CHCHD6: variants seen among roughly 807,000 people sequenced by gnomAD.
The protein encoded by CHCHD6 is MICOS complex subunit MIC25.
In CHCHD6, 28 loss-of-function variants were observed where a neutral mutation model predicts 32.3. The ratio of observed to expected loss-of-function variants is 0.87; its 90% confidence interval spans 0.64 to 1.19. The LOEUF (loss-of-function observed/expected upper bound fraction) is 1.19. CHCHD6 is among the 50% of genes most tolerant of loss of function. The pLI is 0.00. For missense variants in CHCHD6, 333 were observed against 307.0 expected, an observed-to-expected ratio of 1.08 and a Z score of -0.63; for synonymous variants, 122 against 117.5, an observed-to-expected ratio of 1.04 and a Z score of -0.25.
chr3:126,803,865 C>G (rs1250943788), intron 4 of CHCHD6, among the ~76,000 whole-genome samples: 3 of 152,142 alleles, frequency 2.0e-5, no homozygotes, highest in Admixed American at 6.5e-5. Flanking sequence ...CAAACTGTCT[C>G]TCAGACCACA....
At chr3:126,724,611 A>G (rs961443628) in intron 1 of CHCHD6, among the ~76,000 whole-genome samples, 3 of 152,208 alleles carry the variant, frequency 2.0e-5, no homozygotes, top group East Asian at 3.9e-4. Context: ...AGTTTGCCAC[A>G]TCGATCAACT....
In CHCHD6 at chr3:126,733,106, G is replaced by A; in HGVS notation, c.295G>A (p.Asp99Asn). The A allele has an allele frequency of 6.2e-7, 1 of 1,614,214 alleles. No individual in the cohort carries two copies. The highest frequency in any genetic ancestry group is 8.5e-7 in the Non-Finnish European group (1 of 1,180,032). Reference sequence around the variant, plus strand: ...TGAACAGGAGCATGCTGCTATCCAGGATAAGCTCTTCCAGGTGGCAAAGAG... The same window carrying A: ...TGAACAGGAGCATGCTGCTATCCAGAATAAGCTCTTCCAGGTGGCAAAGAG... ...RYEQEHAAIQ[D>N]KLFQVAKRER... The change falls in exon 4 of 8, where the codon GAT (aspartate) becomes AAT (asparagine). Residue 99 changes from aspartate to asparagine, a missense_variant. Coordinates refer to ENST00000290913, the MANE Select transcript of CHCHD6 (RefSeq NM_032343.3).
At chr3:126,771,912 T>TG (rs1230014763) in intron 4 of CHCHD6, among the ~76,000 whole-genome samples, 2 of 152,196 alleles carry the variant, frequency 1.3e-5, no homozygotes, top group Non-Finnish European at 2.9e-5. Flanking sequence ...TCATTCTGTA[T>TG]GTGCCATGTG....
chr3:126,958,467 G>C (rs1027848111), intron 7 of CHCHD6, among the ~76,000 whole-genome samples: 2 of 152,210 alleles, frequency 1.3e-5, no homozygotes, highest in Non-Finnish European at 1.5e-5. Flanking sequence ...AAAAGGCTGA[G>C]GCCAGATGCT....
chr3:126,797,932 G>A lies in CHCHD6; in HGVS notation c.412-54715G>A, dbSNP rs529194762. Among the ~76,000 whole-genome samples, 5 of 152,338 alleles carry A rather than the reference G, an allele frequency of 3.3e-5. No individual in the cohort carries two copies. The South Asian group carries it at 1.0e-3, about 32-fold the overall frequency. ...CCAGTGTCTGGCTCCAGTCCTCCTT[G>A]TCGAGGGAGGGTTTGGGAGTTGATG... is the stretch of plus-strand genomic sequence containing the variant. On this transcript the variant is annotated intron_variant, in intron 4 of 7. Coordinates refer to ENST00000290913, the MANE Select transcript of CHCHD6 (RefSeq NM_032343.3).
At chr3:126,920,597 G>A (rs2078232816) in intron 6 of CHCHD6, among the ~76,000 whole-genome samples, 1 of 152,176 alleles carries the variant, frequency 6.6e-6, no homozygotes, top group Admixed American at 6.5e-5. Context: ...TCAAGAATTT[G>A]ACAAATGTTT....
intron 5 of CHCHD6, among the ~76,000 whole-genome samples, chr3:126,864,784 ATCACCTCCTCCTCCACCG>A (rs1174182511): frequency 7.1e-5 from 9 of 126,030 alleles, no homozygotes; most frequent in Admixed American, 2.4e-4. Context: ...CTCCTCCACC[ATCACCTCCTCCTCCACCG>A]TCACCTCCTC....
chr3:126,901,875 C>T (rs776508481), intron 5 of CHCHD6, among the ~76,000 whole-genome samples: 98 of 152,342 alleles, frequency 6.4e-4, no homozygotes, highest in Non-Finnish European at 1.1e-3. Context: ...GTGCTTGTTG[C>T]ACTGCCTGGC....
intron 1 of CHCHD6, among the ~76,000 whole-genome samples, chr3:126,714,542 A>G (rs560576372): frequency 7.4e-4 from 112 of 152,254 alleles, no homozygotes; most frequent in African/African-American, 2.0e-3. Context: ...CAACACCTCT[A>G]CAGAGACTGG....
At chr3:126,768,553 C>T (rs1301176096) in intron 4 of CHCHD6, among the ~76,000 whole-genome samples, 1 of 152,134 alleles carries the variant, frequency 6.6e-6, no homozygotes, top group East Asian at 1.9e-4. Context: ...GTCTTTATGG[C>T]AGAACAATTT....
chr3:126,915,507 C>A (rs1395374833), intron 6 of CHCHD6, among the ~76,000 whole-genome samples: 5 of 152,156 alleles, frequency 3.3e-5, no homozygotes, highest in African/African-American at 9.7e-5. Flanking sequence ...ACCTGAGAGA[C>A]CTTCATAAAT....
At chr3:126,784,916 A>G (rs1217995996) in intron 4 of CHCHD6, among the ~76,000 whole-genome samples, 8 of 151,502 alleles carry the variant, frequency 5.3e-5, no homozygotes, top group African/African-American at 1.7e-4. Context: ...TCCTTAGCTT[A>G]TATATTTTCC....
chr3:126,708,052 A>G (rs1331672720), intron 1 of CHCHD6, among the ~76,000 whole-genome samples: 1 of 152,230 alleles, frequency 6.6e-6, no homozygotes, highest in African/African-American at 2.4e-5. Context: ...GAGGAAACAA[A>G]AAGGGTGCAA....
intron 6 of CHCHD6, among the ~76,000 whole-genome samples, chr3:126,928,667 A>G (rs1282766704): frequency 2.0e-5 from 3 of 152,218 alleles, no homozygotes; most frequent in African/African-American, 7.2e-5. Context: ...ACACTAGTCC[A>G]GTCTCCCTGG....
chr3:126,788,680 A>T (rs1938359508), intron 4 of CHCHD6, among the ~76,000 whole-genome samples: 1 of 152,064 alleles, frequency 6.6e-6, no homozygotes, highest in African/African-American at 2.4e-5. Flanking sequence ...TCTCCCCTTT[A>T]TAATTTTTTT....
At chr3:126,844,683 A>G (rs2107548426) in intron 4 of CHCHD6, among the ~76,000 whole-genome samples, 1 of 152,272 alleles carries the variant, frequency 6.6e-6, no homozygotes, top group East Asian at 1.9e-4. Context: ...ATGGCCCCCC[A>G]AAGATTTCTA....
intron 6 of CHCHD6, among the ~76,000 whole-genome samples, chr3:126,942,231 T>G (rs1183510969): frequency 6.6e-6 from 1 of 152,188 alleles, no homozygotes. Context: ...CTAGACCTGG[T>G]CACATTGGTA....
chr3:126,707,535 T>C (rs1268547069), intron 1 of CHCHD6, among the ~76,000 whole-genome samples: 1 of 152,186 alleles, frequency 6.6e-6, no homozygotes, highest in African/African-American at 2.4e-5. Flanking sequence ...TTCCCTCTCC[T>C]CCTCTCCACA....
chr3:126,735,915 A>G (rs906992187), intron 4 of CHCHD6, among the ~76,000 whole-genome samples: 2 of 152,186 alleles, frequency 1.3e-5, no homozygotes. Context: ...ACAGAAGATG[A>G]TGTTGAAGGT....
Sources: allele counts gnomAD v4.1 joint callset (sites outside exome capture counted in the v4.1 genomes callset), GRCh38; gene constraint gnomAD v4.1.1; transcripts MANE v1.5; gene names NCBI Gene and HGNC (gene_info 2026-07-23, HGNC 2026-07-21).